Variants in MSRA observed in about 807,000 individuals in gnomAD.
MSRA encodes mitochondrial peptide methionine sulfoxide reductase.
MSRA carries 54 observed loss-of-function variants against 31.3 expected under a neutral mutation model. The observed-to-expected ratio is 1.73, with a 90% CI of 1.39 to 2.17. The LOEUF is 2.17. Among genes scored for constraint, MSRA ranks in the 30% most tolerant of loss-of-function variants. The pLI, the probability that MSRA is intolerant of heterozygous loss-of-function variation, is 0.00. For synonymous variants in MSRA, 169 were observed against 116.5 expected (o/e 1.45, Z -2.90); for missense variants, 507 against 300.9 (o/e 1.69, Z -5.07).
intron 1 of MSRA, among the ~76,000 whole-genome samples, chr8:10,105,147 C>G (rs1424027163): frequency 2.6e-5 from 4 of 152,118 alleles, no homozygotes; most frequent in Admixed American, 6.6e-5. Context: ...TAATTTGTAT[C>G]ATATTAACTA....
At chr8:10,164,872 A>G (rs112369654) in intron 1 of MSRA, among the ~76,000 whole-genome samples, 1,579 of 152,292 alleles carry the variant, frequency 0.01, 30 homozygotes, top group African/African-American at 0.036. Context: ...TACTAAAAAT[A>G]TAAAAATTAG....
chr8:10,156,536 TCTGTAGG>T (rs1804165078), intron 1 of MSRA, among the ~76,000 whole-genome samples: 1 of 152,218 alleles, frequency 6.6e-6, no homozygotes, highest in African/African-American at 2.4e-5. Context: ...ATCGTTTGTT[TCTGTAGG>T]TTTGATATTT....
intron 2 of MSRA, among the ~76,000 whole-genome samples, chr8:10,221,974 C>A (rs1339970288): frequency 1.3e-5 from 2 of 151,982 alleles, no homozygotes; most frequent in African/African-American, 4.8e-5. Context: ...ACTACGAGAT[C>A]ATGAAGGGCA....
At chr8:10,424,394 G>A (rs1342108533) in intron 5 of MSRA, among the ~76,000 whole-genome samples, 2 of 150,548 alleles carry the variant, frequency 1.3e-5, no homozygotes, top group East Asian at 2.0e-4. Flanking sequence ...GTGGGATGGA[G>A]AGAAGGACCC....
chr8:10,331,762 C>T (rs1476738688), intron 5 of MSRA, among the ~76,000 whole-genome samples: 1 of 152,200 alleles, frequency 6.6e-6, no homozygotes, highest in Non-Finnish European at 1.5e-5. Context: ...ATAACCTATG[C>T]ACATCCTCTT....
At chr8:10,380,470 A>T (rs17151859) in intron 5 of MSRA, among the ~76,000 whole-genome samples, 2 of 152,074 alleles carry the variant, frequency 1.3e-5, no homozygotes, top group African/African-American at 4.8e-5. Context: ...CTTTAAGGCT[A>T]TTCCAAGGGA....
intron 1 of MSRA, among the ~76,000 whole-genome samples, chr8:10,180,505 C>G (rs1452345949): frequency 1.3e-5 from 2 of 152,152 alleles, no homozygotes; most frequent in African/African-American, 4.8e-5. Context: ...CTGAAACTTC[C>G]AATCCTCTAA....
intron 1 of MSRA, among the ~76,000 whole-genome samples, chr8:10,098,760 G>C (rs574204016): frequency 1.3e-4 from 20 of 152,314 alleles, no homozygotes; most frequent in African/African-American, 4.6e-4. Flanking sequence ...GAAAACTTGA[G>C]TTGTTCAAGT....
intron 1 of MSRA, among the ~76,000 whole-genome samples, chr8:10,191,961 T>TC (rs1807547637): frequency 6.6e-6 from 1 of 152,164 alleles, no homozygotes; most frequent in Non-Finnish European, 1.5e-5. Context: ...TGCCCCTGGA[T>TC]CAGTGTTCCT....
At chr8:10,338,442 T>C (rs981110106) in intron 5 of MSRA, among the ~76,000 whole-genome samples, 39 of 152,238 alleles carry the variant, frequency 2.6e-4, no homozygotes, top group Admixed American at 1.3e-3. Flanking sequence ...AGGGTGACTG[T>C]AGTCAATAAT....
chr8:10,374,859 G>C (rs763315195), intron 5 of MSRA, among the ~76,000 whole-genome samples: 1 of 152,168 alleles, frequency 6.6e-6, no homozygotes. Context: ...TTCGTGAATG[G>C]CTTGGTGCTG....
intron 1 of MSRA, among the ~76,000 whole-genome samples, chr8:10,157,319 C>T (rs1804241369): frequency 6.6e-6 from 1 of 152,166 alleles, no homozygotes; most frequent in East Asian, 1.9e-4. Context: ...GGAACCCTGG[C>T]TTCTGCTTCC....
intron 1 of MSRA, chr8:10,095,650 T>C: frequency 2.0e-6 from 2 of 996,646 alleles, no homozygotes; most frequent in Non-Finnish European, 2.4e-6. Flanking sequence ...CAGCTTCTTT[T>C]GTCTGCTTTC....
intron 5 of MSRA, among the ~76,000 whole-genome samples, chr8:10,382,114 G>T (rs1412381217): frequency 2.6e-5 from 4 of 152,266 alleles, no homozygotes; most frequent in African/African-American, 7.2e-5. Context: ...ACTGCCCCCA[G>T]TGACCGCTGG....
chr8:10,331,181 G>GC (rs1205757777), intron 5 of MSRA, among the ~76,000 whole-genome samples: 2 of 152,194 alleles, frequency 1.3e-5, no homozygotes, highest in Non-Finnish European at 2.9e-5. Context: ...AGAAATAGAA[G>GC]CCTGTTATTG....
intron 1 of MSRA, among the ~76,000 whole-genome samples, chr8:10,096,991 C>T (rs780215140): frequency 6.6e-6 from 1 of 152,206 alleles, no homozygotes; most frequent in Non-Finnish European, 1.5e-5. Flanking sequence ...GTATAAAAGA[C>T]TGCCCCTGGA....
At chr8:10,163,946 C>T (rs1211149166) in intron 1 of MSRA, among the ~76,000 whole-genome samples, 2 of 152,244 alleles carry the variant, frequency 1.3e-5, no homozygotes, top group African/African-American at 4.8e-5. Flanking sequence ...TTTCTGTCTC[C>T]ATATTCTGAG....
intron 1 of MSRA, among the ~76,000 whole-genome samples, chr8:10,172,945 G>A (rs1404444538): frequency 6.6e-6 from 1 of 152,198 alleles, no homozygotes. Flanking sequence ...GCATAACACC[G>A]AGTGGAAATA....
In MSRA at chr8:10,187,434, G is replaced by T. The variant is rs148137922; in HGVS notation, c.143-20399G>T. 2.6e-5 allele frequency among the ~76,000 whole-genome samples: 4 copies of T among 152,298 alleles called. No individual in the cohort carries two copies. In the East Asian group the frequency reaches 5.8e-4, roughly 22 times the overall value. On this transcript the variant is annotated intron_variant, in intron 1 of 5. Transcript: ENST00000317173. Reference sequence around the variant, plus strand: ...CTACCTTCCACCACCAGCTTCTGCCGCATGTTGTATGTTAGGAAGCTTACT... The same window carrying T: ...CTACCTTCCACCACCAGCTTCTGCCTCATGTTGTATGTTAGGAAGCTTACT...
Sources: gnomAD v4.1 joint callset for allele counts (sites outside exome capture counted in the v4.1 genomes callset) on GRCh38, gnomAD v4.1.1 for gene constraint, MANE v1.5 for transcripts, NCBI Gene and HGNC (gene_info 2026-07-23, HGNC 2026-07-21) for gene names.